The following BCKDHB variants were observed in gnomAD, a reference collection of about 807,000 sequenced individuals.
BCKDHB encodes the protein 2-oxoisovalerate dehydrogenase subunit beta, mitochondrial.
BCKDHB carries 41 observed loss-of-function variants against 48.5 expected under a neutral mutation model. The observed-to-expected ratio is 0.85, with a 90% CI of 0.66 to 1.10. BCKDHB has a LOEUF of 1.10. Ranked by LOEUF, BCKDHB falls within the 50% of genes least tolerant of loss-of-function variation. BCKDHB has a pLI of 0.00. For missense variants in BCKDHB, 496 were observed against 494.2 expected (o/e 1.00, Z -0.03); for synonymous variants, 201 against 174.8 (o/e 1.15, Z -1.18).
chr6:80,213,220 C>G (rs988708101), intron 8 of BCKDHB, among the ~76,000 whole-genome samples: 2 of 152,064 alleles, frequency 1.3e-5, no homozygotes, highest in Admixed American at 1.3e-4. Context: ...TTAGTTTATT[C>G]TAAATTGAAA....
At chr6:80,426,806 A>T in the BCKDHB span, among the ~76,000 whole-genome samples, 1 of 152,136 alleles carries the variant, frequency 6.6e-6, no homozygotes, top group African/African-American at 2.4e-5. Flanking sequence ...GTTGTGTGAG[A>T]GAGTATACTA....
the BCKDHB span, among the ~76,000 whole-genome samples, chr6:80,385,523 A>G: frequency 2.0e-5 from 3 of 152,168 alleles, no homozygotes; most frequent in African/African-American, 7.2e-5. Flanking sequence ...AGTAGTGGCA[A>G]CATCCCCTCC....
chr6:80,451,590 T>C, the BCKDHB span, among the ~76,000 whole-genome samples: 2 of 151,920 alleles, frequency 1.3e-5, no homozygotes, highest in Non-Finnish European at 2.9e-5. Context: ...ATACAAAAAT[T>C]AGTCGGGCAT....
intron 9 of BCKDHB, 146 bp from the exon 10 acceptor site, chr6:80,343,517 CT>C: frequency 1.1e-6 from 1 of 889,624 alleles, no homozygotes; most frequent in Non-Finnish European, 1.7e-6. Context: ...CTGTTACCTG[CT>C]TTTTTCATAT....
At chr6:80,411,980 C>A in the BCKDHB span, among the ~76,000 whole-genome samples, 3 of 152,156 alleles carry the variant, frequency 2.0e-5, no homozygotes, top group African/African-American at 7.2e-5. Flanking sequence ...TCCAGCCAGT[C>A]CCAGTGAGAT....
At chr6:80,456,231 G>GA in the BCKDHB span, among the ~76,000 whole-genome samples, 2 of 150,644 alleles carry the variant, frequency 1.3e-5, no homozygotes, top group Non-Finnish European at 1.5e-5. Flanking sequence ...AAGAAAGAAA[G>GA]AAAAAAAACT....
chr6:80,176,637 A>G (rs1773168443), intron 6 of BCKDHB, among the ~76,000 whole-genome samples: 1 of 152,152 alleles, frequency 6.6e-6, no homozygotes, highest in African/African-American at 2.4e-5. Context: ...CTCTTCTGAG[A>G]GTTTTTATCA....
intron 5 of BCKDHB, chr6:80,170,016 C>G (rs1252128599): frequency 1.2e-5 from 13 of 1,098,342 alleles, no homozygotes; most frequent in Non-Finnish European, 1.4e-5. Context: ...CTCTTTTCCT[C>G]CTTCATTTTC....
At chr6:80,164,114 C>A (rs1582265456) in intron 3 of BCKDHB, among the ~76,000 whole-genome samples, 1 of 152,128 alleles carries the variant, frequency 6.6e-6, no homozygotes, top group Admixed American at 6.6e-5. Flanking sequence ...TCAAGAACTT[C>A]CTGTTTTTCT....
At chr6:80,443,491 T>A in the BCKDHB span, 2 of 152,130 alleles carry the variant, frequency 1.3e-5, no homozygotes, top group Non-Finnish European at 2.9e-5. Context: ...GTTAAGGACA[T>A]GAAGTGAAAA....
At chr6:80,179,041 G>A (rs1362123930) in intron 6 of BCKDHB, among the ~76,000 whole-genome samples, 2 of 151,350 alleles carry the variant, frequency 1.3e-5, no homozygotes, top group Non-Finnish European at 2.9e-5. Flanking sequence ...TTATTTTTTC[G>A]AGACAGGGTC....
Position 80,273,134 on chromosome 6 carries a change from G to T in BCKDHB, c.952-1G>T. The T allele has an allele frequency of 1.2e-6, 2 of 1,612,356 alleles. No homozygotes were observed. The highest frequency in any genetic ancestry group is 1.7e-6 in the Non-Finnish European group (2 of 1,178,892). Reference sequence around the variant, plus strand: ...CATCAGGTTTTTCTTTTCTCTTTCAGTCTGTGATCAAAACAGGGCGACTGC... The same window carrying T: ...CATCAGGTTTTTCTTTTCTCTTTCATTCTGTGATCAAAACAGGGCGACTGC... On this transcript the variant is annotated splice_acceptor_variant, in intron 8 of 9. Transcript: ENST00000320393. LOFTEE classifies it high-confidence loss of function.
intron 9 of BCKDHB, among the ~76,000 whole-genome samples, chr6:80,328,699 G>C (rs1769168382): frequency 6.6e-6 from 1 of 152,010 alleles, no homozygotes; most frequent in Admixed American, 6.5e-5. Flanking sequence ...TTCATTTTTA[G>C]ACTAACTTGC....
At chr6:80,203,021 A>G in intron 7 of BCKDHB, 81 bp from the exon 8 acceptor site, 6 of 918,862 alleles carry the variant, frequency 6.5e-6, no homozygotes, top group South Asian at 1.3e-5. Context: ...TACTGTCTCT[A>G]ATAGTGACAT....
the BCKDHB span, among the ~76,000 whole-genome samples, chr6:80,368,102 AT>A: frequency 1.3e-5 from 2 of 152,102 alleles, no homozygotes; most frequent in African/African-American, 4.8e-5. Flanking sequence ...TTCTGTCATC[AT>A]CTTCTCTTTG....
At chr6:80,106,948 C>A (rs961491219) in intron 1 of BCKDHB, 59 bp downstream of exon 1, 25 of 1,554,468 alleles carry the variant, frequency 1.6e-5, no homozygotes, top group Non-Finnish European at 1.6e-5. Context: ...GGCTCGCAGG[C>A]GCCCGCGAGG....
At chr6:80,214,800 T>C (rs948007927) in intron 8 of BCKDHB, among the ~76,000 whole-genome samples, 1 of 152,230 alleles carries the variant, frequency 6.6e-6, no homozygotes. Context: ...TAACTGATGA[T>C]CTCGTGAATT....
At chr6:80,153,365 T>G (rs562240396) in intron 3 of BCKDHB, among the ~76,000 whole-genome samples, 23 of 152,210 alleles carry the variant, frequency 1.5e-4, no homozygotes, top group African/African-American at 5.3e-4. Flanking sequence ...TCATCCCAGA[T>G]AGAGAGATAA....
chr6:80,313,877 T>A (rs1378735143), intron 9 of BCKDHB, among the ~76,000 whole-genome samples: 1 of 152,186 alleles, frequency 6.6e-6, no homozygotes, highest in African/African-American at 2.4e-5. Context: ...TAACCTGAGA[T>A]CTTTCCTAGC....
Sources: allele counts gnomAD v4.1 joint callset (sites outside exome capture counted in the v4.1 genomes callset), GRCh38; gene constraint gnomAD v4.1.1; transcripts MANE v1.5; gene names NCBI Gene and HGNC (gene_info 2026-07-23, HGNC 2026-07-21).